Variants in GPR107 observed in about 807,000 individuals in gnomAD.
The protein encoded by GPR107 is G protein-coupled receptor 107, also known as protein GPR107.
Under a neutral mutation model 75.5 loss-of-function variants are expected in GPR107, and 31 were observed. The observed-to-expected ratio is 0.41, with a 90% CI of 0.31 to 0.55. The LOEUF (loss-of-function observed/expected upper bound fraction) is 0.55. Among genes scored for constraint, GPR107 ranks in the 20% least tolerant of loss-of-function variants. The probability of loss-of-function intolerance (pLI) is 0.26; values close to 1 mark genes in which losing one functional copy is unlikely to be tolerated. For missense variants in GPR107, 572 were observed against 665.7 expected (o/e 0.86, Z 1.55); for synonymous variants, 267 against 251.3 (o/e 1.06, Z -0.59).
intron 16 of GPR107, 69 bp from the exon 17 acceptor site, chr9:130,128,571 G>T: frequency 7.5e-7 from 1 of 1,327,732 alleles, no homozygotes; most frequent in Non-Finnish European, 1.1e-6. Flanking sequence ...TCAGTTTGTT[G>T]AATTCCACTG....
chr9:130,099,711 C>A (rs1830967774), intron 10 of GPR107, among the ~76,000 whole-genome samples, 179 bp downstream of exon 10: 1 of 152,062 alleles, frequency 6.6e-6, no homozygotes, highest in Non-Finnish European at 1.5e-5. Flanking sequence ...ATTACCACCT[C>A]CCCTCATATT....
At chr9:130,122,252 G>T (rs564436517) in intron 14 of GPR107, among the ~76,000 whole-genome samples, 196 of 152,298 alleles carry the variant, frequency 1.3e-3, no homozygotes, top group African/African-American at 4.3e-3. Flanking sequence ...GTGCTGTGAA[G>T]AATCGAGTGT....
In GPR107 at chr9:130,127,015, T is replaced by C. The variant is rs371456664; in HGVS notation, c.1357-468T>C. Among the ~76,000 whole-genome samples the C allele has an allele frequency of 5.9e-4, 90 of 152,314 alleles. No individual in the cohort carries two copies. In the South Asian group the frequency reaches 0.012, roughly 20 times the overall value. Reference sequence around the variant, plus strand: ...TGTCTTGCTAGAGAACTTGGTAGTATTTGTACTTCTGTGAGTGTGGACCTC... The same window carrying C: ...TGTCTTGCTAGAGAACTTGGTAGTACTTGTACTTCTGTGAGTGTGGACCTC... On this transcript the variant is annotated intron_variant, in intron 15 of 17. Transcript: ENST00000347136.
chr9:130,107,791 G>T (rs371271945), intron 14 of GPR107, among the ~76,000 whole-genome samples: 3 of 152,174 alleles, frequency 2.0e-5, no homozygotes, highest in African/African-American at 7.2e-5. Context: ...ATTTCCACTC[G>T]TGGTTGTGAT....
At chr9:130,089,324 C>T (rs1792221332) in intron 7 of GPR107, among the ~76,000 whole-genome samples, 1 of 152,194 alleles carries the variant, frequency 6.6e-6, no homozygotes, top group South Asian at 2.1e-4. Flanking sequence ...TGAAACAGCC[C>T]ATCCGCAGGG....
chr9:130,087,419 G>A (rs1441761562), intron 7 of GPR107, among the ~76,000 whole-genome samples: 1 of 152,050 alleles, frequency 6.6e-6, no homozygotes, highest in Non-Finnish European at 1.5e-5. Flanking sequence ...TGTTATCCCA[G>A]CACTTTGGAA....
intron 7 of GPR107, among the ~76,000 whole-genome samples, chr9:130,088,669 A>T (rs1458537228): frequency 1.6e-4 from 25 of 152,194 alleles, no homozygotes; most frequent in Admixed American, 1.6e-3. Context: ...CGGTATTGTT[A>T]TTTTTTCTCT....
chr9:130,091,602 C>T (rs1428224255), intron 8 of GPR107, among the ~76,000 whole-genome samples: 3 of 149,538 alleles, frequency 2.0e-5, no homozygotes, highest in Non-Finnish European at 4.4e-5. Flanking sequence ...GATCTTGCCT[C>T]ACCGCAACCT....
chr9:130,095,254 A>C (rs2132598106), intron 9 of GPR107, among the ~76,000 whole-genome samples: 1 of 152,242 alleles, frequency 6.6e-6, no homozygotes, highest in South Asian at 2.1e-4. Context: ...GGGCTTTGCA[A>C]ATCAGGGCGC....
intron 14 of GPR107, 84 bp downstream of exon 14, chr9:130,107,623 T>C: frequency 1.1e-6 from 1 of 905,912 alleles, no homozygotes; most frequent in Non-Finnish European, 1.9e-6. Context: ...GGAGGCAGCC[T>C]ATGGTGTCAA....
intron 1 of GPR107, among the ~76,000 whole-genome samples, chr9:130,058,656 G>C (rs867844156): frequency 6.6e-6 from 1 of 152,078 alleles, no homozygotes; most frequent in Non-Finnish European, 1.5e-5. Context: ...GTAGAGACAG[G>C]GTTTTGCCAT....
At chr9:130,079,600 CT>C in intron 4 of GPR107, 29 bp from the exon 5 acceptor site, 3 of 1,608,108 alleles carry the variant, frequency 1.9e-6, no homozygotes, top group Middle Eastern at 1.7e-4. Flanking sequence ...CTGCTTTGAC[CT>C]TTTTTCCTTC....
At chr9:130,090,444 T>C (rs1281361918) in intron 7 of GPR107, among the ~76,000 whole-genome samples, 1 of 151,630 alleles carries the variant, frequency 6.6e-6, no homozygotes, top group Admixed American at 6.6e-5. Flanking sequence ...TACGTTAGCT[T>C]GAAGACTAGA....
chr9:130,104,333 G>A (rs867800824), intron 12 of GPR107, 87 bp from the exon 13 acceptor site: 3 of 1,222,138 alleles, frequency 2.5e-6, no homozygotes, highest in Non-Finnish European at 3.5e-6. Context: ...GGGTCTGGAG[G>A]CCAAGGTGTA....
chr9:130,119,415 A>G (rs968824650), intron 14 of GPR107, among the ~76,000 whole-genome samples: 4 of 152,226 alleles, frequency 2.6e-5, no homozygotes, highest in Non-Finnish European at 5.9e-5. Context: ...CATGGCAAGT[A>G]GCCAACTGCT....
chr9:130,132,145 A>G (rs552659664), intron 17 of GPR107, among the ~76,000 whole-genome samples: 14 of 152,126 alleles, frequency 9.2e-5, no homozygotes, highest in Middle Eastern at 3.4e-3. Flanking sequence ...TCAGCCGCCC[A>G]AAGTGCTGGG....
chr9:130,100,684 T>C lies in GPR107; in HGVS notation c.995T>C (p.Val332Ala). 1 of 1,611,150 alleles carries C rather than the reference T, an allele frequency of 6.2e-7. No individual in the cohort carries two copies. Among genetic ancestry groups the C allele is most frequent in the Non-Finnish European group, 8.5e-7 (1 of 1,177,226 alleles). The stretch of plus-strand genomic sequence containing the variant: ...TTCCCTATCGAAGGCTGGGCTGTTG[T>C]GTACTACATAACTCACCTGTAAGTA... Reference protein sequence around the residue: ...QGFPIEGWAVVYYITHLLKGA... With the variant: ...QGFPIEGWAVAYYITHLLKGA... Residue 332 changes from valine to alanine, a missense_variant, in exon 11 of 18, where the codon GTG becomes GCG. Transcript: ENST00000347136.
At position 130,135,237 on chromosome 9, in the gene GPR107, A is replaced by G. The variant is rs782455092; in HGVS notation, c.*116A>G. The G allele has an allele frequency of 1.1e-4, 64 of 598,046 alleles. No homozygotes were observed. Among genetic ancestry groups the G allele is most frequent in the Non-Finnish European group, 1.8e-4 (60 of 340,162 alleles). 37.0% of individuals were successfully genotyped at this position (598,046 alleles called of 1,614,324 possible). On this transcript the variant is annotated 3_prime_UTR_variant, in exon 18 of 18. Coordinates refer to ENST00000347136, the MANE Select transcript of GPR107 (RefSeq NM_020960.5). ...TATTGGCACCACCGACAGTGACACC[A>G]GGGCACATGGCTGGAGCACAGTGCC...
chr9:130,106,270 AAGTC>A (rs1488408943), intron 13 of GPR107, among the ~76,000 whole-genome samples: 4 of 152,272 alleles, frequency 2.6e-5, no homozygotes, highest in East Asian at 3.9e-4. Context: ...AAAATGAAAA[AAGTC>A]AGTAAGTACT....
Sources: allele counts gnomAD v4.1 joint callset (sites outside exome capture counted in the v4.1 genomes callset), GRCh38; gene constraint gnomAD v4.1.1; transcripts MANE v1.5; gene names NCBI Gene and HGNC (gene_info 2026-07-23, HGNC 2026-07-21).